Variants in ABCB5 observed in about 807,000 individuals in gnomAD.
The protein encoded by ABCB5 is ATP binding cassette subfamily B member 5, also known as ATP-binding cassette sub-family B member 5.
ABCB5 carries 155 observed loss-of-function variants against 144.2 expected under a neutral mutation model. That is an observed-to-expected ratio of 1.08 (90% CI 0.94 to 1.23). The LOEUF is 1.23. Ranked by LOEUF, ABCB5 falls within the 50% of genes most tolerant of loss-of-function variation. The probability of loss-of-function intolerance (pLI) is 0.00; values close to 1 mark genes in which losing one functional copy is unlikely to be tolerated. For synonymous variants in ABCB5, 610 were observed against 528.6 expected (o/e 1.15, Z -2.11); for missense variants, 1,830 against 1,520.8 (o/e 1.20, Z -3.38).
chr7:20,649,940 T>C, intron 11 of ABCB5, 82 bp from the exon 12 acceptor site: 1 of 1,446,780 alleles, frequency 6.9e-7, no homozygotes, highest in South Asian at 1.4e-5. Context: ...TTTTTGGTTA[T>C]AATTATGTAC....
rs112946202 is a variant in ABCB5, at chr7:20,728,462, C to T, written c.2867+7C>T. The stretch of plus-strand genomic sequence containing the variant: ...CCCCAGAGGGCATGTTCATGTAAGT[C>T]GTGGAAATAGTCCGGACCTGGTAGC... On this transcript the variant is annotated splice_region_variant and intron_variant, in intron 23 of 27. Coordinates refer to ENST00000404938, the MANE Select transcript of ABCB5 (RefSeq NM_001163941.2). The T allele has an allele frequency of 2.8e-5, 45 of 1,613,574 alleles. 1 individual carries two copies. The African/African-American group carries it at 3.1e-4, about 11-fold the overall frequency.
intron 14 of ABCB5, among the ~76,000 whole-genome samples, chr7:20,680,621 T>C (rs1158455866): frequency 6.6e-6 from 1 of 151,502 alleles, no homozygotes; most frequent in Non-Finnish European, 1.5e-5. Context: ...GATGGACTTG[T>C]GGGTGCTGGT....
chr7:20,726,046 TTC>T (rs1782025282), intron 21 of ABCB5, among the ~76,000 whole-genome samples: 3 of 152,186 alleles, frequency 2.0e-5, no homozygotes, highest in Admixed American at 2.0e-4. Context: ...AACAGGAAGT[TTC>T]TCTTTCAAGC....
intron 20 of ABCB5, among the ~76,000 whole-genome samples, chr7:20,711,645 G>T (rs780246000): frequency 2.0e-5 from 3 of 147,816 alleles, no homozygotes; most frequent in Non-Finnish European, 3.0e-5. Context: ...GTAGATACAG[G>T]GTTTCACCAT....
intron 4 of ABCB5, among the ~76,000 whole-genome samples, chr7:20,630,076 A>G (rs900189050): frequency 2.2e-5 from 2 of 89,124 alleles, no homozygotes; most frequent in South Asian, 7.5e-4. Context: ...TCAAGGTGAC[A>G]TTATTCTTTA....
At chr7:20,687,976 G>A (rs1054842606) in intron 16 of ABCB5, among the ~76,000 whole-genome samples, 4 of 152,098 alleles carry the variant, frequency 2.6e-5, no homozygotes, top group Non-Finnish European at 5.9e-5. Context: ...TAGATCACTC[G>A]AGGTCAGGAG....
At chr7:20,750,204 A>G (rs1782873549) in intron 26 of ABCB5, among the ~76,000 whole-genome samples, 1 of 152,218 alleles carries the variant, frequency 6.6e-6, no homozygotes, top group Non-Finnish European at 1.5e-5. Flanking sequence ...GAAGGCCTAC[A>G]ATAACAATTA....
In ABCB5 at chr7:20,710,701, G is replaced by A; in HGVS notation, c.2421+5894G>A. On this transcript the variant is annotated intron_variant, in intron 20 of 27. Coordinates refer to ENST00000404938, the MANE Select transcript of ABCB5 (RefSeq NM_001163941.2). ...TTCTATTTGTGTGTCTGTATTTAGA[G>A]TGTGATTCTCACAGGCAGCATATAA... Among the ~76,000 whole-genome samples, 2 of 149,774 alleles carry A rather than the reference G, an allele frequency of 1.3e-5. 1 individual carries two copies. The highest frequency in any genetic ancestry group is 1.3e-4 in the Admixed American group (2 of 14,976).
chr7:20,643,482 T>A lies in ABCB5; in HGVS notation c.528T>A (p.Asp176Glu). ...RMTDDIDKIS[D>E]GIGDKIALLF... ...TCAGTGACATTGACAAAATCAGTGA[T>A]GGTATTGGAGATAAGATTGCTCTGT... The change falls in exon 7 of 28, where the codon GAT becomes GAA. Residue 176 changes from aspartate (D) to glutamate (E), a missense_variant. Coordinates refer to ENST00000404938, the MANE Select transcript of ABCB5 (RefSeq NM_001163941.2). The A allele has an allele frequency of 6.2e-7, 1 of 1,614,030 alleles. No individual in the cohort carries two copies. Among genetic ancestry groups the A allele is most frequent in the Non-Finnish European group, 8.5e-7 (1 of 1,179,898 alleles).
At chr7:20,669,105 G>A (rs1229137877) in intron 14 of ABCB5, among the ~76,000 whole-genome samples, 1 of 151,112 alleles carries the variant, frequency 6.6e-6, no homozygotes, top group African/African-American at 2.4e-5. Flanking sequence ...GGATGGTGGG[G>A]GGGGTCAGCC....
chr7:20,698,649 G>C, intron 17 of ABCB5, 99 bp downstream of exon 17: 1 of 1,191,744 alleles, frequency 8.4e-7, no homozygotes, highest in Non-Finnish European at 1.1e-6. Flanking sequence ...GGAAAATTGG[G>C]ACTTTTAGTG....
At chr7:20,659,805 T>C (rs1784940642) in intron 14 of ABCB5, 9 of 967,340 alleles carry the variant, frequency 9.3e-6, no homozygotes, top group African/African-American at 1.8e-5. Context: ...TGCCTCAGCC[T>C]CCTGAGTAGC....
intron 4 of ABCB5, among the ~76,000 whole-genome samples, chr7:20,630,400 A>G (rs1345966105): frequency 1.3e-5 from 2 of 152,036 alleles, no homozygotes; most frequent in African/African-American, 4.8e-5. Flanking sequence ...AGCAAAAAAA[A>G]AAATCTTTAA....
At chr7:20,623,401 A>G in intron 2 of ABCB5, 63 bp downstream of exon 2, 4 of 1,288,006 alleles carry the variant, frequency 3.1e-6, no homozygotes, top group Non-Finnish European at 4.4e-6. Context: ...CATCCTTTCC[A>G]CACCTATAGC....
intron 20 of ABCB5, 134 bp downstream of exon 20, chr7:20,704,941 G>A (rs1786771273): frequency 1.3e-5 from 7 of 525,772 alleles, no homozygotes; most frequent in South Asian, 1.1e-4. Context: ...TAAGTCTCAC[G>A]GTTAACAGGT....
chr7:20,670,572 G>T (rs966452138), intron 14 of ABCB5, among the ~76,000 whole-genome samples: 2 of 152,116 alleles, frequency 1.3e-5, no homozygotes, highest in African/African-American at 4.8e-5. Flanking sequence ...TATAAGCGAG[G>T]CTTAGAATTA....
Position 20,685,691 on chromosome 7 carries a change from G to A in ABCB5, c.1870-5G>A. 6.3e-7 allele frequency: 1 copy of A among 1,597,662 alleles called. No individual in the cohort carries two copies. ...TAATGATAACCTATATATTCTTCCT[G>A]TAAGGATATTAAAAAAGCTGATGAA... On this transcript the variant is annotated splice_region_variant and splice_polypyrimidine_tract_variant and intron_variant, in intron 15 of 27. Transcript: ENST00000404938.
intron 26 of ABCB5, among the ~76,000 whole-genome samples, chr7:20,752,005 T>C (rs1782946192): frequency 2.6e-5 from 4 of 152,218 alleles, no homozygotes. Context: ...ACACATTTTG[T>C]TATAAGGTTA....
At chr7:20,701,795 A>T (rs1000600935) in intron 19 of ABCB5, among the ~76,000 whole-genome samples, 10 of 152,230 alleles carry the variant, frequency 6.6e-5, no homozygotes, top group Non-Finnish European at 1.5e-4. Flanking sequence ...CCATAAGTTA[A>T]GTTGTTTGTT....
Sources: gnomAD v4.1 joint callset for allele counts (sites outside exome capture counted in the v4.1 genomes callset) on GRCh38, gnomAD v4.1.1 for gene constraint, MANE v1.5 for transcripts, NCBI Gene and HGNC (gene_info 2026-07-23, HGNC 2026-07-21) for gene names.